Variants in CNOT8 observed in about 807,000 individuals in gnomAD.
CNOT8 encodes the protein CAF1-like protein.
In CNOT8, 18 loss-of-function variants were observed where a neutral mutation model predicts 34.6. The ratio of observed to expected loss-of-function variants is 0.52; its 90% confidence interval spans 0.36 to 0.77. CNOT8 has a LOEUF of 0.77. Ranked by LOEUF, CNOT8 falls within the 30% of genes least tolerant of loss-of-function variation. The probability of loss-of-function intolerance (pLI) is 0.00; values close to 1 mark genes in which losing one functional copy is unlikely to be tolerated. For synonymous variants in CNOT8, 101 were observed against 118.8 expected, an observed-to-expected ratio of 0.85 and a Z score of 0.98; for missense variants, 189 against 347.9, an observed-to-expected ratio of 0.54 and a Z score of 3.63.
intron 4 of CNOT8, among the ~76,000 whole-genome samples, chr5:154,871,071 G>A (rs1417114795): frequency 6.6e-6 from 1 of 152,120 alleles, no homozygotes; most frequent in African/African-American, 2.4e-5. Context: ...TGGGAATATG[G>A]TGGGTGTAGA....
Position 154,870,649 on chromosome 5 carries a change from C to G in CNOT8, c.312-12C>G, listed in dbSNP as rs771897567. On this transcript the variant is annotated splice_polypyrimidine_tract_variant and intron_variant, in intron 3 of 6. Coordinates refer to ENST00000285896, the MANE Select transcript of CNOT8 (RefSeq NM_001301073.2). ...TATTCACCAGTTAATAAATAAACACCTTGTTTTTTAGAGAGGACATGTACT... is the reference window on the plus strand; with the variant it reads ...TATTCACCAGTTAATAAATAAACACGTTGTTTTTTAGAGAGGACATGTACT... The G allele has an allele frequency of 2.5e-6, 4 of 1,605,342 alleles. No homozygotes were observed. In the African/African-American group the frequency reaches 5.4e-5, roughly 22 times the overall value.
chr5:154,865,448 G>A (rs1761774305), intron 3 of CNOT8, 63 bp downstream of exon 3: 1 of 1,226,382 alleles, frequency 8.2e-7, no homozygotes, highest in Non-Finnish European at 1.1e-6. Context: ...CCAGGTGGGT[G>A]TTGGATAGAG....
chr5:154,867,674 C>G (rs1343346069), intron 3 of CNOT8: 1 of 271,944 alleles, frequency 3.7e-6, no homozygotes, highest in Non-Finnish European at 7.3e-6. Context: ...CTTCAAAGAA[C>G]TTTTTTCCTT....
At chr5:154,865,112 T>C (rs1761743816) in intron 2 of CNOT8, 80 bp from the exon 3 acceptor site, 1 of 1,200,954 alleles carries the variant, frequency 8.3e-7, no homozygotes, top group African/African-American at 1.5e-5. Flanking sequence ...TAAATGGAGG[T>C]AAAATTTTAT....
chr5:154,860,578 G>T (rs1761238941), intron 1 of CNOT8, among the ~76,000 whole-genome samples: 2 of 152,160 alleles, frequency 1.3e-5, no homozygotes, highest in African/African-American at 4.8e-5. Flanking sequence ...AAAGTGCTGG[G>T]ATTACAGGTG....
intron 4 of CNOT8, among the ~76,000 whole-genome samples, chr5:154,871,361 C>A (rs1762463990): frequency 2.0e-5 from 3 of 151,994 alleles, no homozygotes; most frequent in African/African-American, 7.3e-5. Flanking sequence ...GAGTTCGAGA[C>A]CAGCCTGGCC....
intron 3 of CNOT8, among the ~76,000 whole-genome samples, chr5:154,867,322 C>T (rs1004060757): frequency 6.6e-6 from 1 of 151,754 alleles, no homozygotes; most frequent in Non-Finnish European, 1.5e-5. Context: ...CTGGAAAGAT[C>T]TGTAAACAAA....
chr5:154,870,087 G>A (rs770107086), intron 3 of CNOT8, among the ~76,000 whole-genome samples: 16 of 152,084 alleles, frequency 1.1e-4, no homozygotes, highest in Non-Finnish European at 2.1e-4. Flanking sequence ...ACAGGATCTT[G>A]CTCTGTCACC....
At chr5:154,870,025 T>C (rs1026030202) in intron 3 of CNOT8, among the ~76,000 whole-genome samples, 3 of 152,224 alleles carry the variant, frequency 2.0e-5, no homozygotes. Context: ...CCCAAAGTGC[T>C]GGTATTACAG....
At chr5:154,865,662 C>G (rs1286558027) in intron 3 of CNOT8, among the ~76,000 whole-genome samples, 1 of 152,092 alleles carries the variant, frequency 6.6e-6, no homozygotes, top group Non-Finnish European at 1.5e-5. Context: ...CAAATTAAAC[C>G]CACATTGGGA....
intron 3 of CNOT8, among the ~76,000 whole-genome samples, chr5:154,866,805 C>G (rs1039750031): frequency 2.6e-5 from 4 of 152,054 alleles, no homozygotes; most frequent in African/African-American, 9.7e-5. Context: ...CCCAGCTACT[C>G]AGGAGGCTGA....
chr5:154,871,918 GA>G, intron 5 of CNOT8, 44 bp downstream of exon 5: 2 of 1,559,186 alleles, frequency 1.3e-6, no homozygotes, highest in Non-Finnish European at 8.7e-7. Flanking sequence ...AAGAAGGACA[GA>G]AAAAAAGCTG....
chr5:154,870,743 G>T lies in CNOT8; in HGVS notation c.394G>T (p.Asp132Tyr), dbSNP rs763281414. ...TCAGAAGCATGAAGAGGAAGGGATT[G>T]ACACACTGCACTTTGCAGAGCTGCT... Reference protein sequence around the residue: ...QFQKHEEEGIDTLHFAELLMT... With the variant: ...QFQKHEEEGIYTLHFAELLMT... The change falls in exon 4 of 7, where the codon GAC becomes TAC. Residue 132 changes from aspartate to tyrosine, a missense_variant. Asp to Tyr is a radical substitution (Grantham distance 160). Around this residue, in one of 2 missense-constraint regions of CNOT8, gnomAD observed 160 missense variants for 321.9 expected, o/e 0.50. Coordinates refer to ENST00000285896, the MANE Select transcript of CNOT8 (RefSeq NM_001301073.2). The T allele has an allele frequency of 6.2e-7, 1 of 1,614,096 alleles. No homozygotes were observed. Among genetic ancestry groups the T allele is most frequent in the South Asian group, 1.1e-5 (1 of 91,066 alleles).
intron 3 of CNOT8, among the ~76,000 whole-genome samples, chr5:154,870,239 GT>G (rs961014209): frequency 3.5e-5 from 5 of 141,718 alleles, no homozygotes; most frequent in African/African-American, 2.7e-5. Flanking sequence ...TGTGTGTGTT[GT>G]TTTTTTTTTG....
At chr5:154,875,212 C>A in intron 6 of CNOT8, 78 bp from the exon 7 acceptor site, 1 of 1,500,762 alleles carries the variant, frequency 6.7e-7, no homozygotes, top group South Asian at 1.2e-5. Flanking sequence ...CCATTGCACC[C>A]GGCCAGATGT....
At chr5:154,865,916 T>A (rs1582590626) in intron 3 of CNOT8, among the ~76,000 whole-genome samples, 1 of 152,208 alleles carries the variant, frequency 6.6e-6, no homozygotes, top group East Asian at 1.9e-4. Context: ...TGTTTATTCA[T>A]CTGTTGATAG....
chr5:154,875,458 G>T lies in CNOT8; in HGVS notation c.*19G>T. The T allele has an allele frequency of 6.2e-7, 1 of 1,611,932 alleles. No individual in the cohort carries two copies. The highest frequency in any genetic ancestry group is 8.5e-7 in the Non-Finnish European group (1 of 1,179,668). ...GCAGTGATGGCGCCAGGCTCTGCAGGGTGGGCCTGATCCCAGAGTGGTGCT... is the reference window on the plus strand; with the variant it reads ...GCAGTGATGGCGCCAGGCTCTGCAGTGTGGGCCTGATCCCAGAGTGGTGCT... On this transcript the variant is annotated 3_prime_UTR_variant, in exon 7 of 7. Coordinates refer to ENST00000285896, the MANE Select transcript of CNOT8 (RefSeq NM_001301073.2).
At chr5:154,875,074 G>T (rs1208066658) in intron 6 of CNOT8, among the ~76,000 whole-genome samples, 6 of 151,754 alleles carry the variant, frequency 4.0e-5, no homozygotes, top group Non-Finnish European at 8.8e-5. Context: ...GTGCCACCAT[G>T]CCCGGCTCAT....
At chr5:154,869,643 T>C (rs1193875779) in intron 3 of CNOT8, among the ~76,000 whole-genome samples, 2 of 123,020 alleles carry the variant, frequency 1.6e-5, no homozygotes, top group African/African-American at 6.2e-5. Flanking sequence ...TTTTTTTTTT[T>C]GAGAGGGAGT....
Sources: gnomAD v4.1 joint callset for allele counts (sites outside exome capture counted in the v4.1 genomes callset) on GRCh38, gnomAD v4.1.1 for gene constraint, gnomAD v4.1.1 regional missense constraint, MANE v1.5 for transcripts, NCBI Gene and HGNC (gene_info 2026-07-23, HGNC 2026-07-21) for gene names.